Variants in KCNJ15 observed in about 807,000 individuals in gnomAD.
The protein encoded by KCNJ15 is potassium inwardly rectifying channel subfamily J member 15.
KCNJ15 carries 14 observed loss-of-function variants against 23.0 expected under a neutral mutation model. The ratio of observed to expected loss-of-function variants is 0.61; its 90% CI spans 0.40 to 0.95. KCNJ15 has a LOEUF of 0.95. Ranked by LOEUF, KCNJ15 falls within the 40% of genes least tolerant of loss-of-function variation. The pLI is 0.00. For synonymous variants in KCNJ15, 185 were observed against 183.2 expected, an observed-to-expected ratio of 1.01 and a Z score of -0.08; for missense variants, 388 against 461.8, an observed-to-expected ratio of 0.84 and a Z score of 1.46.
At chr21:38,282,145 G>A (rs931017684) in intron 1 of KCNJ15, among the ~76,000 whole-genome samples, 1 of 152,006 alleles carries the variant, frequency 6.6e-6, no homozygotes, top group Non-Finnish European at 1.5e-5. Context: ...ATTTATTCAA[G>A]TTCACCATGG....
At chr21:38,248,029 G>C (rs930108372) in intron 1 of KCNJ15, among the ~76,000 whole-genome samples, 4 of 152,184 alleles carry the variant, frequency 2.6e-5, no homozygotes, top group African/African-American at 4.8e-5. Context: ...CTCCATCCAG[G>C]TGCATTTCTA....
rs759745767 is a variant in KCNJ15, at chr21:38,299,375, G to A, written c.114G>A (p.Val38=). 22 of 1,614,210 alleles carry A rather than the reference G, an allele frequency of 1.4e-5. No homozygotes were observed. The highest frequency in any genetic ancestry group is 4.5e-5 in the East Asian group (2 of 44,878). ...RVMSKSGHSN[V]RIDKVDGIYL... ...TGTCCAAGAGTGGGCACAGCAACGT[G>A]AGAATTGACAAAGTGGATGGCATAT... Residue 38 remains valine, a synonymous_variant, in exon 3 of 3, where the codon GTG becomes GTA. Coordinates refer to ENST00000398938, the MANE Select transcript of KCNJ15 (RefSeq NM_170736.3). This position sits in a 1 kb window ranked among gnomAD's most constrained non-coding sequence, Gnocchi z 4.5.
intron 1 of KCNJ15, chr21:38,267,343 G>A (rs775194857): frequency 3.9e-5 from 6 of 152,200 alleles, no homozygotes; most frequent in Non-Finnish European, 5.9e-5. Flanking sequence ...GATGCTGTTA[G>A]TGAGCATTGA....
At chr21:38,233,064 T>C (rs1429591424) in intron 1 of KCNJ15, among the ~76,000 whole-genome samples, 1 of 152,088 alleles carries the variant, frequency 6.6e-6, no homozygotes, top group Non-Finnish European at 1.5e-5. Context: ...CCCTAACTAT[T>C]ATTGTTGAAT....
chr21:38,235,710 A>G (rs1411019947), intron 1 of KCNJ15, among the ~76,000 whole-genome samples: 1 of 152,144 alleles, frequency 6.6e-6, no homozygotes, highest in Non-Finnish European at 1.5e-5. Flanking sequence ...CTTTGTTTTG[A>G]TTGCACATTT....
intron 1 of KCNJ15, among the ~76,000 whole-genome samples, chr21:38,270,973 C>G (rs1568998834): frequency 6.7e-6 from 1 of 148,930 alleles, no homozygotes; most frequent in Admixed American, 6.6e-5. Context: ...GTTTCTCCAA[C>G]AGCCAAAGGC....
intron 1 of KCNJ15, among the ~76,000 whole-genome samples, chr21:38,245,756 A>T (rs1979334322): frequency 6.6e-6 from 1 of 152,180 alleles, no homozygotes; most frequent in African/African-American, 2.4e-5. Context: ...AAGAGAATGA[A>T]AGGTGTTTAC....
At chr21:38,234,526 T>G (rs1978474365) in intron 1 of KCNJ15, among the ~76,000 whole-genome samples, 1 of 152,242 alleles carries the variant, frequency 6.6e-6, no homozygotes, top group South Asian at 2.1e-4. Context: ...CTTTGTGATC[T>G]GTTCAAAAGA....
At chr21:38,272,377 G>A in intron 1 of KCNJ15, 1 of 152,548 alleles carries the variant, frequency 6.6e-6, no homozygotes, top group Non-Finnish European at 1.5e-5. Flanking sequence ...CTCAGCTTCT[G>A]CAAGCTGGGG....
Position 38,303,273 on chromosome 21 carries a change from C to T in KCNJ15, c.*2884C>T, listed in dbSNP as rs984402173. 4.6e-5 allele frequency: 7 copies of T among 151,676 alleles called. No individual in the cohort carries two copies. The highest frequency in any genetic ancestry group is 1.7e-4 in the African/African-American group (7 of 41,316). 9.4% of individuals were successfully genotyped at this position (151,676 alleles called of 1,614,324 possible). A position where few individuals can be genotyped will look rare whatever the true frequency, so the allele number is the denominator to read the frequency against. On this transcript the variant is annotated 3_prime_UTR_variant, in exon 3 of 3. Coordinates refer to ENST00000398938, the MANE Select transcript of KCNJ15 (RefSeq NM_170736.3). ...CTGCTTGAAACAGATTCACACTCAACACCCAACTAAGGAGGAGCCAAAGTA... is the reference window on the plus strand; with the variant it reads ...CTGCTTGAAACAGATTCACACTCAATACCCAACTAAGGAGGAGCCAAAGTA...
intron 1 of KCNJ15, among the ~76,000 whole-genome samples, chr21:38,274,099 C>G (rs933652068): frequency 1.3e-5 from 2 of 152,220 alleles, no homozygotes; most frequent in Non-Finnish European, 2.9e-5. Context: ...TTGCCAATCC[C>G]AACTCTGGGC....
At position 38,305,018 on chromosome 21, in the gene KCNJ15, T is replaced by A. The variant is rs1329395397; in HGVS notation, c.*4629T>A. 7.2e-6 allele frequency: 1 copy of A among 138,600 alleles called. No individual in the cohort carries two copies. Among genetic ancestry groups the A allele is most frequent in the Non-Finnish European group, 1.5e-5 (1 of 65,938 alleles). 8.6% of individuals were successfully genotyped at this position (138,600 alleles called of 1,614,324 possible). A position where few individuals can be genotyped will look rare whatever the true frequency, so the allele number is the denominator to read the frequency against. Reference sequence around the variant, plus strand: ...TCGCTTGAACCCGGGAGGTGGACGTTGCAGTGAGCTAAGATCGCGCCACTG... The same window carrying A: ...TCGCTTGAACCCGGGAGGTGGACGTAGCAGTGAGCTAAGATCGCGCCACTG... On this transcript the variant is annotated 3_prime_UTR_variant, in exon 3 of 3. Coordinates refer to ENST00000398938, the MANE Select transcript of KCNJ15 (RefSeq NM_170736.3).
At chr21:38,264,462 G>A (rs967893308) in intron 1 of KCNJ15, among the ~76,000 whole-genome samples, 2 of 152,204 alleles carry the variant, frequency 1.3e-5, no homozygotes, top group Non-Finnish European at 2.9e-5. Context: ...CTACAGGGCT[G>A]CAAACTCTTT....
At chr21:38,233,299 A>G (rs1978394263) in intron 1 of KCNJ15, among the ~76,000 whole-genome samples, 1 of 152,122 alleles carries the variant, frequency 6.6e-6, no homozygotes, top group African/African-American at 2.4e-5. Context: ...GTGGCACGAC[A>G]TATCTTTTTT....
chr21:38,275,314 C>T (rs1353691215), intron 1 of KCNJ15, among the ~76,000 whole-genome samples: 3 of 152,038 alleles, frequency 2.0e-5, no homozygotes, highest in Middle Eastern at 3.4e-3. Flanking sequence ...CAGTTTAACC[C>T]GCATCACCTT....
intron 1 of KCNJ15, among the ~76,000 whole-genome samples, chr21:38,276,555 G>C (rs1982719805): frequency 1.3e-5 from 2 of 152,134 alleles, no homozygotes; most frequent in Admixed American, 6.5e-5. Context: ...GGGTCTACTT[G>C]AGGGTGGAGG....
At chr21:38,229,996 A>G (rs1988687972) in intron 1 of KCNJ15, among the ~76,000 whole-genome samples, 1 of 152,216 alleles carries the variant, frequency 6.6e-6, no homozygotes, top group Admixed American at 6.5e-5. Flanking sequence ...GTTACTGTGA[A>G]CATTCATGCA....
At chr21:38,268,167 G>A (rs1451216030) in intron 1 of KCNJ15, among the ~76,000 whole-genome samples, 1 of 152,178 alleles carries the variant, frequency 6.6e-6, no homozygotes, top group Non-Finnish European at 1.5e-5. Flanking sequence ...GATGTTTCAA[G>A]TTTATCCTTT....
chr21:38,297,468 A>C (rs950635702), intron 2 of KCNJ15, among the ~76,000 whole-genome samples: 5 of 152,164 alleles, frequency 3.3e-5, no homozygotes, highest in Non-Finnish European at 7.3e-5. Flanking sequence ...ATTTCAGTGG[A>C]TTGAATGGCA....
Sources: gnomAD v4.1 joint callset for allele counts (sites outside exome capture counted in the v4.1 genomes callset) on GRCh38, gnomAD v4.1.1 for gene constraint, Gnocchi (gnomAD v3.1) non-coding constraint, MANE v1.5 for transcripts, NCBI Gene and HGNC (gene_info 2026-07-23, HGNC 2026-07-21) for gene names.